NFKB1: variants seen among roughly 807,000 people sequenced by gnomAD.
NFKB1 encodes nuclear factor NF-kappa-B p105 subunit.
Under a neutral mutation model 105.1 loss-of-function variants are expected in NFKB1, and 9 were observed. The observed-to-expected ratio is 0.09, with a 90% CI of 0.05 to 0.15. NFKB1 has a LOEUF of 0.15. NFKB1 is among the 10% of genes least tolerant of loss of function. The pLI is 1.00. For missense variants in NFKB1, 830 were observed against 1,203.7 expected (o/e 0.69, Z 4.59); for synonymous variants, 440 against 442.2 (o/e 1.00, Z 0.06).
At chr4:102,574,444 C>G (rs1724644688) in intron 6 of NFKB1, among the ~76,000 whole-genome samples, 1 of 152,002 alleles carries the variant, frequency 6.6e-6, no homozygotes, top group African/African-American at 2.4e-5. Context: ...ACACACAGCA[C>G]TCAGCTGAAG....
intron 3 of NFKB1, among the ~76,000 whole-genome samples, chr4:102,530,512 G>T (rs1741216184): frequency 6.6e-6 from 1 of 151,996 alleles, no homozygotes; most frequent in African/African-American, 2.4e-5. Context: ...TGATTTATTT[G>T]TATGTAAGCT....
At chr4:102,555,829 T>G (rs1408729338) in intron 5 of NFKB1, among the ~76,000 whole-genome samples, 2 of 152,176 alleles carry the variant, frequency 1.3e-5, no homozygotes, top group Non-Finnish European at 2.9e-5. Flanking sequence ...AGAAAATGGG[T>G]AAGCTATAGA....
At chr4:102,613,292 G>A in intron 22 of NFKB1, 133 bp from the exon 23 acceptor site, 1 of 875,564 alleles carries the variant, frequency 1.1e-6, no homozygotes, top group Non-Finnish European at 1.8e-6. Context: ...GCTCTTCTCT[G>A]CCCTTTCCAT....
intron 5 of NFKB1, among the ~76,000 whole-genome samples, chr4:102,547,406 G>A (rs973139024): frequency 5.3e-5 from 8 of 152,126 alleles, no homozygotes; most frequent in Non-Finnish European, 1.0e-4. Flanking sequence ...CAGTTTCTAG[G>A]TCTGGGGTGA....
chr4:102,557,612 T>C (rs947076872), intron 5 of NFKB1, among the ~76,000 whole-genome samples: 1 of 152,152 alleles, frequency 6.6e-6, no homozygotes, highest in African/African-American at 2.4e-5. Flanking sequence ...GAAATTGAGA[T>C]GGACCAGAAA....
chr4:102,577,087 G>C (rs1724886585), intron 7 of NFKB1, 48 bp downstream of exon 7: 2 of 1,564,342 alleles, frequency 1.3e-6, no homozygotes, highest in Non-Finnish European at 1.7e-6. Flanking sequence ...TCCAGGCTTT[G>C]GTTTTCATCT....
intron 5 of NFKB1, among the ~76,000 whole-genome samples, chr4:102,552,502 G>A (rs1417671099): frequency 6.6e-6 from 1 of 152,154 alleles, no homozygotes; most frequent in African/African-American, 2.4e-5. Context: ...ACAGGGCAGG[G>A]AAGCTAACTT....
At chr4:102,577,064 A>C (rs760835829) in intron 7 of NFKB1, 25 bp downstream of exon 7, 1 of 1,602,370 alleles carries the variant, frequency 6.2e-7, no homozygotes, top group South Asian at 1.1e-5. Context: ...CCTGGCCTTG[A>C]TCCTCCAAGG....
chr4:102,586,734 C>T (rs1390179139), intron 11 of NFKB1, among the ~76,000 whole-genome samples: 1 of 152,142 alleles, frequency 6.6e-6, no homozygotes, highest in African/African-American at 2.4e-5. Context: ...AGAAACCCCT[C>T]AGTTGGAGGG....
intron 3 of NFKB1, among the ~76,000 whole-genome samples, chr4:102,533,001 G>C (rs1741397560): frequency 1.3e-5 from 2 of 152,064 alleles, no homozygotes; most frequent in African/African-American, 4.8e-5. Context: ...TACCATTAGG[G>C]TATGGATTAA....
intron 10 of NFKB1, among the ~76,000 whole-genome samples, chr4:102,584,461 C>A (rs1725559226): frequency 6.6e-6 from 1 of 152,192 alleles, no homozygotes; most frequent in Non-Finnish European, 1.5e-5. Context: ...AGTACATTAG[C>A]ATAGCATTGT....
intron 1 of NFKB1, among the ~76,000 whole-genome samples, chr4:102,522,137 T>C (rs982600905): frequency 2.0e-5 from 3 of 152,210 alleles, no homozygotes; most frequent in Admixed American, 2.0e-4. Flanking sequence ...CCCTGGTCTT[T>C]TCTAATCCTT....
chr4:102,531,138 T>A (rs1347665377), intron 3 of NFKB1, among the ~76,000 whole-genome samples: 2 of 152,206 alleles, frequency 1.3e-5, no homozygotes, highest in Admixed American at 6.5e-5. Context: ...TCACTTAATG[T>A]CTTGTGAATA....
intron 5 of NFKB1, among the ~76,000 whole-genome samples, chr4:102,543,937 A>C (rs1721926592): frequency 6.6e-6 from 1 of 152,178 alleles, no homozygotes; most frequent in African/African-American, 2.4e-5. Flanking sequence ...TCACTGCGCA[A>C]GTATTTAATT....
chr4:102,502,390 G>GCGCT, intron 1 of NFKB1, among the ~76,000 whole-genome samples: 1 of 105,396 alleles, frequency 9.5e-6, no homozygotes, highest in East Asian at 3.0e-4. Flanking sequence ...GCGCGCGCGC[G>GCGCT]CACACACACA....
At position 102,616,487 on chromosome 4, in the gene NFKB1, C is replaced by T. The variant is rs200653734; in HGVS notation, c.2803C>T (p.Arg935Cys). 4.7e-5 allele frequency: 76 copies of T among 1,614,010 alleles called. No homozygotes were observed. The highest frequency in any genetic ancestry group is 6.7e-5 in the East Asian group (3 of 44,900). Residue 935 changes from arginine to cysteine, a missense_variant, in exon 24 of 24, where the codon CGC (arginine) becomes TGC (cysteine). Arg to Cys is a radical substitution (Grantham distance 180). This residue lies in a region of NFKB1 where 418 missense variants were observed against 575.3 expected (regional missense o/e 0.73). Transcript: ENST00000226574. ...CGACAGCGGCGTGGAGACATCCTTCCGCAAACTCAGCTTTACCGAGTCTCT... is the reference window on the plus strand; with the variant it reads ...CGACAGCGGCGTGGAGACATCCTTCTGCAAACTCAGCTTTACCGAGTCTCT... The part of the protein sequence containing the change: ...VCDSGVETSF[R>C]KLSFTESLTS...
At position 102,502,390 on chromosome 4, in the gene NFKB1, G is replaced by GCACACACACACA. The variant is rs754187388; in HGVS notation, c.-8+628_-8+639dup. Among the ~76,000 whole-genome samples the GCACACACACACA allele has an allele frequency of 1.6e-3, 168 of 105,364 alleles. 1 individual carries two copies. Among genetic ancestry groups the GCACACACACACA allele is most frequent in the African/African-American group, 6.2e-3 (148 of 23,976 alleles). The allele number at this position is 105,364 out of a possible 152,430, so 69.1% of individuals were successfully genotyped here. A position where few individuals can be genotyped will look rare whatever the true frequency, so the allele number is the denominator to read the frequency against. On this transcript the variant is annotated intron_variant, in intron 1 of 23. Transcript: ENST00000226574. ...CCCCCCTCCGTGCGCGCGCGCGCGC[G>GCACACACACACA]CACACACACACACACACACACACAC...
At chr4:102,607,123 G>C (rs1168577240) in intron 17 of NFKB1, 27 bp from the exon 18 acceptor site, 1 of 1,613,686 alleles carries the variant, frequency 6.2e-7, no homozygotes, top group Non-Finnish European at 8.5e-7. Flanking sequence ...ATCCCATCCT[G>C]TGACTGTCCC....
intron 16 of NFKB1, among the ~76,000 whole-genome samples, chr4:102,601,988 T>C (rs1375314880): frequency 2.0e-5 from 3 of 152,236 alleles, no homozygotes; most frequent in African/African-American, 7.2e-5. Flanking sequence ...TCATCCTCCT[T>C]GGAGAGATGG....
Sources: allele counts gnomAD v4.1 joint callset (sites outside exome capture counted in the v4.1 genomes callset), GRCh38; gene constraint gnomAD v4.1.1; regional missense constraint gnomAD v4.1.1; transcripts MANE v1.5; gene names NCBI Gene and HGNC (gene_info 2026-07-23, HGNC 2026-07-21).